The following SDHA variants were observed in gnomAD, a reference collection of about 807,000 sequenced individuals.
SDHA encodes the protein succinate dehydrogenase [ubiquinone] flavoprotein subunit, mitochondrial.
A neutral mutation model predicts 78.4 loss-of-function variants in SDHA; 48 were observed. The observed-to-expected ratio is 0.61, with a 90% CI of 0.49 to 0.78. The LOEUF (loss-of-function observed/expected upper bound fraction) is 0.78. Among genes scored for constraint, SDHA ranks in the 30% least tolerant of loss-of-function variants. The pLI, the probability that SDHA is intolerant of heterozygous loss-of-function variation, is 0.00. For synonymous variants in SDHA, 326 were observed against 353.9 expected (o/e 0.92, Z 0.88); for missense variants, 680 against 892.7 (o/e 0.76, Z 3.04).
downstream of SDHA, among the ~76,000 whole-genome samples, chr5:257,136 G>C (rs1306325907): frequency 6.6e-6 from 1 of 152,198 alleles, no homozygotes; most frequent in East Asian, 1.9e-4. Context: ...TGGTGCCTGA[G>C]AACGAATGGA....
intron 1 of SDHA, among the ~76,000 whole-genome samples, chr5:219,055 G>T (rs1046323300): frequency 7.9e-5 from 12 of 152,262 alleles, no homozygotes; most frequent in Admixed American, 2.6e-4. Context: ...TAAGTTAAGG[G>T]CTTCTACTTT....
In SDHA at chr5:225,880, C is replaced by T; in HGVS notation, c.457-3C>T. 6.2e-7 allele frequency: 1 copy of T among 1,612,488 alleles called. No homozygotes were observed. Among genetic ancestry groups the T allele is most frequent in the Non-Finnish European group, 8.5e-7 (1 of 1,179,846 alleles). On this transcript the variant is annotated splice_region_variant and splice_polypyrimidine_tract_variant and intron_variant, in intron 4 of 14. Coordinates refer to ENST00000264932, the MANE Select transcript of SDHA (RefSeq NM_004168.4). ...GGTTTTTGTTTGTTTTTATCTTTCA[C>T]AGCTAGAAAATTATGGCATGCCGTT...
At chr5:221,056 G>A (rs546989293) in intron 1 of SDHA, among the ~76,000 whole-genome samples, 10 of 152,052 alleles carry the variant, frequency 6.6e-5, no homozygotes, top group South Asian at 4.2e-4. Context: ...CTCGTGATCC[G>A]CCCGCCTCGG....
At chr5:227,065 C>G (rs1735076049) in intron 5 of SDHA, among the ~76,000 whole-genome samples, 1 of 152,084 alleles carries the variant, frequency 6.6e-6, no homozygotes, top group South Asian at 2.1e-4. Context: ...GGCTGGAGTG[C>G]AGTAGCACAA....
At chr5:227,194 A>G (rs540378862) in intron 5 of SDHA, among the ~76,000 whole-genome samples, 2 of 152,190 alleles carry the variant, frequency 1.3e-5, no homozygotes, top group Admixed American at 1.3e-4. Flanking sequence ...GTATTTTAGT[A>G]GAGACAGGGT....
chr5:220,969 T>C (rs927778716), intron 1 of SDHA, among the ~76,000 whole-genome samples: 2 of 152,072 alleles, frequency 1.3e-5, no homozygotes, highest in Non-Finnish European at 2.9e-5. Context: ...CCTGCCATCA[T>C]GCCCGGCTAA....
At position 218,332 on chromosome 5, in the gene SDHA, G is replaced by C. The variant is rs1280772087; in HGVS notation, c.-24G>C. The stretch of plus-strand genomic sequence containing the variant: ...GCGCAGTCTGCGCAGGGACTGGCGG[G>C]ACTGCGCGGCGGCAACAGCAGACAT... On this transcript the variant is annotated 5_prime_UTR_variant, in exon 1 of 15. Transcript: ENST00000264932. The C allele has an allele frequency of 1.4e-6, 2 of 1,446,584 alleles. No homozygotes were observed. Among genetic ancestry groups the C allele is most frequent in the Middle Eastern group, 2.5e-4 (1 of 3,984 alleles). 89.6% of individuals were successfully genotyped at this position (1,446,584 alleles called of 1,614,324 possible).
intron 1 of SDHA, among the ~76,000 whole-genome samples, chr5:222,051 A>G (rs1734746671): frequency 6.9e-6 from 1 of 145,458 alleles, no homozygotes; most frequent in Non-Finnish European, 1.5e-5. Context: ...CAACATTTTC[A>G]AGAACATTTG....
At chr5:222,288 G>C (rs1388807459) in intron 1 of SDHA, among the ~76,000 whole-genome samples, 1 of 151,488 alleles carries the variant, frequency 6.6e-6, no homozygotes, top group Non-Finnish European at 1.5e-5. Flanking sequence ...CTAAATACTT[G>C]AAGACATTCC....
the SDHA span, among the ~76,000 whole-genome samples, chr5:266,911 G>A: frequency 5.3e-5 from 8 of 151,658 alleles, 1 homozygote; most frequent in African/African-American, 1.2e-4. Flanking sequence ...CAGTAGACAC[G>A]GTGGCCGCTG....
the SDHA span, among the ~76,000 whole-genome samples, chr5:267,040 C>A: frequency 2.7e-3 from 416 of 152,342 alleles, 6 homozygotes; most frequent in African/African-American, 9.5e-3. Context: ...TCAGCCAGCA[C>A]TGATGCAGAC....
At chr5:235,952 A>G in intron 9 of SDHA, 1 of 239,924 alleles carries the variant, frequency 4.2e-6, no homozygotes, top group Non-Finnish European at 8.3e-6. Flanking sequence ...ACTGGGGGAT[A>G]CCTTCGGAAG....
At chr5:238,788 G>A (rs796442720) in intron 10 of SDHA, among the ~76,000 whole-genome samples, 10 of 152,146 alleles carry the variant, frequency 6.6e-5, no homozygotes, top group African/African-American at 1.9e-4. Flanking sequence ...GTGAAACCCC[G>A]TCTCTACCAA....
Position 237,542 on chromosome 5 carries a change from G to A in SDHA, c.1432+943G>A, listed in dbSNP as rs1421475743. 1.5e-5 allele frequency among the ~76,000 whole-genome samples: 2 copies of A among 134,558 alleles called. 1 individual carries two copies. The highest frequency in any genetic ancestry group is 7.2e-5 in the African/African-American group (2 of 27,702). 88.3% of individuals were successfully genotyped at this position (134,558 alleles called of 152,430 possible). On this transcript the variant is annotated intron_variant, in intron 10 of 14. Coordinates refer to ENST00000264932, the MANE Select transcript of SDHA (RefSeq NM_004168.4). Reference sequence around the variant, plus strand: ...CTCTCCCACCTCCAGACATCCTCACGGTGGTTATCCAGCCTCGTGTGCTCA... The same window carrying A: ...CTCTCCCACCTCCAGACATCCTCACAGTGGTTATCCAGCCTCGTGTGCTCA...
intron 11 of SDHA, among the ~76,000 whole-genome samples, chr5:241,401 C>G (rs1473148198): frequency 2.0e-5 from 3 of 152,178 alleles, no homozygotes; most frequent in Admixed American, 6.5e-5. Flanking sequence ...TGTCTTTAAG[C>G]TGGACTTGTT....
chr5:246,243 C>T (rs889934603), intron 11 of SDHA, among the ~76,000 whole-genome samples: 2 of 151,914 alleles, frequency 1.3e-5, no homozygotes, highest in African/African-American at 4.8e-5. Flanking sequence ...ACTCAAGCTG[C>T]AGCTGATCGA....
chr5:268,458 G>A, the SDHA span, among the ~76,000 whole-genome samples: 3 of 151,892 alleles, frequency 2.0e-5, no homozygotes, highest in East Asian at 3.9e-4. Context: ...GAGCCACCGC[G>A]CCTGGCCAGG....
intron 8 of SDHA, chr5:234,434 A>AC (rs1173383015): frequency 2.7e-5 from 4 of 147,572 alleles, no homozygotes; most frequent in African/African-American, 1.1e-4. Flanking sequence ...AAAAAAAAAA[A>AC]AAAAAAAAAA....
chr5:255,159 C>T (rs868803738), intron 14 of SDHA, among the ~76,000 whole-genome samples: 2 of 113,550 alleles, frequency 1.8e-5, no homozygotes, highest in Admixed American at 8.7e-5. Context: ...CAGCCTTGTT[C>T]CACACAAGCA....
Sources: gnomAD v4.1 joint callset for allele counts (sites outside exome capture counted in the v4.1 genomes callset) on GRCh38, gnomAD v4.1.1 for gene constraint, MANE v1.5 for transcripts, NCBI Gene and HGNC (gene_info 2026-07-23, HGNC 2026-07-21) for gene names.